The following AGBL3 variants were observed in gnomAD, a reference collection of about 807,000 sequenced individuals.
The protein encoded by AGBL3 is AGBL carboxypeptidase 3.
In AGBL3, 68 loss-of-function variants were observed where a neutral mutation model predicts 94.5. The observed-to-expected ratio is 0.72, with a 90% CI of 0.59 to 0.88. AGBL3 has a LOEUF of 0.88. Among genes scored for constraint, AGBL3 ranks in the 40% least tolerant of loss-of-function variants. The pLI, the probability that AGBL3 is intolerant of heterozygous loss-of-function variation, is 0.00. For synonymous variants in AGBL3, 354 were observed against 370.7 expected (o/e 0.95, Z 0.52); for missense variants, 934 against 1,103.8 (o/e 0.85, Z 2.18).
At chr7:135,082,629 A>G (rs868236314) in intron 15 of AGBL3, among the ~76,000 whole-genome samples, 8 of 152,224 alleles carry the variant, frequency 5.3e-5, no homozygotes, top group African/African-American at 1.9e-4. Context: ...ACATATTCAA[A>G]CCTTTAACGT....
chr7:135,097,856 T>C (rs1040509259), intron 15 of AGBL3, among the ~76,000 whole-genome samples: 1 of 152,104 alleles, frequency 6.6e-6, no homozygotes, highest in Non-Finnish European at 1.5e-5. Flanking sequence ...CTCAAAAATA[T>C]GTCACCAGAA....
At chr7:135,052,590 G>A (rs1405687117) in intron 11 of AGBL3, among the ~76,000 whole-genome samples, 1 of 151,328 alleles carries the variant, frequency 6.6e-6, no homozygotes, top group Non-Finnish European at 1.5e-5. Context: ...CCCCCATCTT[G>A]GAGTCCCCAG....
At chr7:135,128,425 T>C in intron 16 of AGBL3, 1 of 684,734 alleles carries the variant, frequency 1.5e-6, no homozygotes, top group South Asian at 1.6e-5. Context: ...ATCTTGGTTT[T>C]GTTCCTCAGA....
chr7:135,036,131 T>A (rs1023945017), intron 7 of AGBL3, among the ~76,000 whole-genome samples: 45 of 152,206 alleles, frequency 3.0e-4, no homozygotes, highest in African/African-American at 1.0e-3. Flanking sequence ...ATAAATACTA[T>A]TGCTAACATT....
intron 4 of AGBL3, among the ~76,000 whole-genome samples, chr7:135,013,946 G>A (rs968757807): frequency 1.1e-4 from 16 of 152,226 alleles, no homozygotes; most frequent in Admixed American, 5.9e-4. Context: ...TGTAATCCTA[G>A]CACTTTGGGA....
intron 15 of AGBL3, among the ~76,000 whole-genome samples, chr7:135,101,729 G>A (rs767548921): frequency 2.6e-5 from 4 of 152,098 alleles, no homozygotes; most frequent in African/African-American, 9.7e-5. Context: ...CTATACTGAA[G>A]TGCCCAACAG....
intron 8 of AGBL3, among the ~76,000 whole-genome samples, chr7:135,043,656 T>G (rs906794319): frequency 6.6e-6 from 1 of 152,280 alleles, no homozygotes; most frequent in Non-Finnish European, 1.5e-5. Context: ...ATGTGATTAT[T>G]ACATACTGCA....
chr7:135,067,330 G>A (rs1056918958), intron 12 of AGBL3, among the ~76,000 whole-genome samples: 3 of 152,230 alleles, frequency 2.0e-5, no homozygotes, highest in African/African-American at 4.8e-5. Flanking sequence ...ATAGCCAAAC[G>A]AAAGGCAGCA....
intron 15 of AGBL3, chr7:135,093,101 ATGCTTTTCTCCCTGAGACC>A (rs747192940): frequency 6.6e-6 from 1 of 151,890 alleles, no homozygotes; most frequent in Non-Finnish European, 1.5e-5. Flanking sequence ...GCAAGACTAA[ATGCTTTTCTCCCTGAGACC>A]TGGAACAAGA....
intron 13 of AGBL3, 52 bp from the exon 14 acceptor site, chr7:135,080,151 C>T: frequency 3.2e-6 from 4 of 1,255,178 alleles, no homozygotes; most frequent in Non-Finnish European, 4.5e-6. Context: ...AAATATACCC[C>T]ATTTCATGTT....
At chr7:135,075,237 T>C (rs1820338894) in intron 12 of AGBL3, among the ~76,000 whole-genome samples, 1 of 152,210 alleles carries the variant, frequency 6.6e-6, no homozygotes, top group African/African-American at 2.4e-5. Flanking sequence ...TACCTTGCAG[T>C]TATCCCCTGG....
intron 11 of AGBL3, among the ~76,000 whole-genome samples, chr7:135,054,871 C>T (rs1563221472): frequency 6.6e-6 from 1 of 152,124 alleles, no homozygotes; most frequent in Non-Finnish European, 1.5e-5. Flanking sequence ...CAACAGAATA[C>T]CTAAAACTGG....
intron 15 of AGBL3, among the ~76,000 whole-genome samples, chr7:135,104,848 A>G (rs187049294): frequency 5.3e-5 from 8 of 151,496 alleles, no homozygotes; most frequent in African/African-American, 1.5e-4. Context: ...GTCAGATGCA[A>G]ATATTTTCTC....
In AGBL3 at chr7:135,034,639, G is replaced by T. The variant is rs1816117574; in HGVS notation, c.1048G>T (p.Asp350Tyr). 7.7e-6 allele frequency: 12 copies of T among 1,551,568 alleles called. No individual in the cohort carries two copies. The Middle Eastern group carries it at 1.3e-3, about 173-fold the overall frequency. The part of the protein sequence containing the change: ...LTITTPLKNS[D>Y]SRKRKAVILT... ...AATCACTACCCCCTTGAAGAACTCT[G>T]ACTCAAGAAAGCGGAAGGCTGTGAT... The change falls in exon 7 of 17, where the codon GAC becomes TAC. Residue 350 changes from aspartate (D) to tyrosine (Y), a missense_variant. This residue lies in a region of AGBL3 where 488 missense variants were observed against 563.6 expected (regional missense o/e 0.87). Transcript: ENST00000436302.
At chr7:135,037,770 A>G (rs1320836861) in intron 8 of AGBL3, among the ~76,000 whole-genome samples, 190 bp downstream of exon 8, 5 of 152,118 alleles carry the variant, frequency 3.3e-5, no homozygotes, top group African/African-American at 1.2e-4. Context: ...AAATATGGGG[A>G]AAAAAGGCAA....
At chr7:135,040,886 C>A (rs201557670) in intron 8 of AGBL3, among the ~76,000 whole-genome samples, 1 of 3,508 alleles carries the variant, frequency 2.9e-4, no homozygotes, top group Non-Finnish European at 1.7e-3. Flanking sequence ...ACACACACAC[C>A]ACACACACAC....
intron 16 of AGBL3, chr7:135,129,784 C>T: frequency 1.7e-6 from 1 of 590,614 alleles, no homozygotes; most frequent in Non-Finnish European, 3.2e-6. Flanking sequence ...TAGGGTACTA[C>T]TCATTCAGTC....
At chr7:135,021,354 C>G (rs989804740) in intron 5 of AGBL3, among the ~76,000 whole-genome samples, 63 of 150,794 alleles carry the variant, frequency 4.2e-4, no homozygotes, top group African/African-American at 1.5e-3. Context: ...TGCAGTGGCG[C>G]TATCTCGGCT....
intron 16 of AGBL3, chr7:135,129,778 G>A (rs964735375): frequency 6.6e-6 from 4 of 607,826 alleles, no homozygotes; most frequent in South Asian, 5.4e-5. Flanking sequence ...GATATTTAGG[G>A]TACTACTCAT....
Sources: allele counts gnomAD v4.1 joint callset (sites outside exome capture counted in the v4.1 genomes callset), GRCh38; gene constraint gnomAD v4.1.1; regional missense constraint gnomAD v4.1.1; transcripts MANE v1.5; gene names NCBI Gene and HGNC (gene_info 2026-07-23, HGNC 2026-07-21).